Variants in SORD observed in about 807,000 individuals in gnomAD.
SORD encodes sorbitol dehydrogenase.
SORD carries 18 observed loss-of-function variants against 35.6 expected under a neutral mutation model. The ratio of observed to expected loss-of-function variants is 0.51; its 90% CI spans 0.35 to 0.75. SORD has a LOEUF of 0.75. Among genes scored for constraint, SORD ranks in the 30% least tolerant of loss-of-function variants. SORD has a pLI of 0.01. For missense variants in SORD, 250 were observed against 390.2 expected, an observed-to-expected ratio of 0.64 and a Z score of 3.03; for synonymous variants, 106 against 152.9, an observed-to-expected ratio of 0.69 and a Z score of 2.26.
At chr15:45,034,014 G>A (rs1247899333) in intron 1 of SORD, among the ~76,000 whole-genome samples, 4 of 151,906 alleles carry the variant, frequency 2.6e-5, no homozygotes, top group South Asian at 2.1e-4. Flanking sequence ...CGCTGTGCAG[G>A]AGCAAAACAG....
chr15:45,033,031 C>A (rs1376126475), intron 1 of SORD, among the ~76,000 whole-genome samples: 1 of 152,094 alleles, frequency 6.6e-6, no homozygotes, highest in African/African-American at 2.4e-5. Context: ...ACACTGCTAG[C>A]TGTCCCCCAC....
intron 3 of SORD, among the ~76,000 whole-genome samples, chr15:45,045,644 A>G (rs1893036573): frequency 6.6e-6 from 1 of 151,928 alleles, no homozygotes; most frequent in Non-Finnish European, 1.5e-5. Context: ...TACTCAGAGC[A>G]GAGGTTTTGT....
intron 3 of SORD, among the ~76,000 whole-genome samples, chr15:45,059,415 T>A (rs1277034614): frequency 2.0e-5 from 3 of 150,714 alleles, no homozygotes; most frequent in Admixed American, 2.0e-4. Flanking sequence ...AACAACCAGG[T>A]TTTTTCCATC....
chr15:45,068,799 C>T, intron 6 of SORD, 78 bp from the exon 7 acceptor site: 3 of 1,425,400 alleles, frequency 2.1e-6, no homozygotes, highest in Non-Finnish European at 2.8e-6. Context: ...CTTACATCTC[C>T]ATTTTCTTTT....
intron 6 of SORD, 58 bp downstream of exon 6, chr15:45,068,304 G>A (rs1893440367): frequency 1.6e-6 from 2 of 1,254,992 alleles, no homozygotes; most frequent in Admixed American, 1.7e-5. Context: ...CCTACTGTAT[G>A]TGCATGTGTG....
chr15:45,054,267 T>A (rs1893176632), intron 3 of SORD, among the ~76,000 whole-genome samples: 1 of 152,162 alleles, frequency 6.6e-6, no homozygotes, highest in African/African-American at 2.4e-5. Context: ...ACCAACAGTG[T>A]AAAAGTGTTC....
chr15:45,069,490 G>T (rs1893474600), intron 7 of SORD, among the ~76,000 whole-genome samples: 1 of 151,940 alleles, frequency 6.6e-6, no homozygotes, highest in South Asian at 2.1e-4. Flanking sequence ...GATTACAGGC[G>T]CTATCTCTGT....
At chr15:45,060,394 G>T (rs1053086425) in intron 3 of SORD, among the ~76,000 whole-genome samples, 1 of 152,052 alleles carries the variant, frequency 6.6e-6, no homozygotes, top group African/African-American at 2.4e-5. Flanking sequence ...TCTCAGGCTG[G>T]GTTTCCAAGC....
intron 4 of SORD, among the ~76,000 whole-genome samples, chr15:45,062,986 A>T (rs60298802): frequency 0.049 from 7,292 of 148,348 alleles, 334 homozygotes; most frequent in East Asian, 0.15. Context: ...TGCCATAGTC[A>T]TGGCCTAGTG....
chr15:45,039,149 G>C (rs59897173), intron 1 of SORD, among the ~76,000 whole-genome samples: 1,931 of 149,860 alleles, frequency 0.013, 49 homozygotes, highest in African/African-American at 0.046. Context: ...TTTTTTTTGA[G>C]ACAGAATCTT....
At chr15:45,042,566 A>G (rs959730753) in intron 2 of SORD, 2 of 152,222 alleles carry the variant, frequency 1.3e-5, no homozygotes, top group Non-Finnish European at 2.9e-5. Context: ...ACTCAACTTG[A>G]TAGTTCACAA....
intron 7 of SORD, among the ~76,000 whole-genome samples, chr15:45,071,722 G>C (rs1372678710): frequency 6.8e-6 from 1 of 146,292 alleles, no homozygotes; most frequent in African/African-American, 2.5e-5. Flanking sequence ...CCCACTCCAA[G>C]TGGGGAACTG....
At chr15:45,036,306 A>G (rs1237537354) in intron 1 of SORD, 3 of 455,808 alleles carry the variant, frequency 6.6e-6, no homozygotes, top group Non-Finnish European at 1.3e-5. Context: ...TGTATTTCTG[A>G]CTTGAAGTGA....
chr15:45,065,676 T>G (rs1413125291), intron 5 of SORD, among the ~76,000 whole-genome samples: 1 of 152,210 alleles, frequency 6.6e-6, no homozygotes, highest in Non-Finnish European at 1.5e-5. Flanking sequence ...TCCCAGCACT[T>G]TGGGAAACCA....
intron 2 of SORD, chr15:45,042,618 A>G (rs1304670207): frequency 6.5e-6 from 1 of 152,960 alleles, no homozygotes; most frequent in African/African-American, 2.4e-5. Flanking sequence ...TTTCTCATAA[A>G]TAGATACGAA....
chr15:45,027,170 T>C (rs931271564), intron 1 of SORD, among the ~76,000 whole-genome samples: 1 of 152,264 alleles, frequency 6.6e-6, no homozygotes, highest in Admixed American at 6.5e-5. Context: ...TCCCTTCATT[T>C]TGAATAGAGA....
At chr15:45,030,653 T>G (rs1892765131) in intron 1 of SORD, among the ~76,000 whole-genome samples, 1 of 152,246 alleles carries the variant, frequency 6.6e-6, no homozygotes, top group African/African-American at 2.4e-5. Context: ...ATAGAACCAT[T>G]TAATAAGATC....
intron 1 of SORD, among the ~76,000 whole-genome samples, chr15:45,029,196 C>T (rs1231840844): frequency 6.6e-6 from 1 of 152,256 alleles, no homozygotes; most frequent in African/African-American, 2.4e-5. Context: ...CAAAACAAAA[C>T]CCAAACTGGA....
chr15:45,065,444 C>G (rs1301120112), intron 5 of SORD, 55 bp downstream of exon 5: 2 of 1,551,322 alleles, frequency 1.3e-6, no homozygotes, highest in East Asian at 2.3e-5. Context: ...TTCAGGGAAC[C>G]CTCTGCCCAT....
Sources: allele counts gnomAD v4.1 joint callset (sites outside exome capture counted in the v4.1 genomes callset), GRCh38; gene constraint gnomAD v4.1.1; transcripts MANE v1.5; gene names NCBI Gene and HGNC (gene_info 2026-07-23, HGNC 2026-07-21).